The following RHBDD1 variants were observed in gnomAD, a reference collection of about 807,000 sequenced individuals.
RHBDD1 encodes rhomboid-related protein 4.
In RHBDD1, 38 loss-of-function variants were observed where a neutral mutation model predicts 36.3. The observed-to-expected ratio is 1.05, with a 90% CI of 0.81 to 1.37. RHBDD1 has a LOEUF of 1.37. Among genes scored for constraint, RHBDD1 ranks in the 40% most tolerant of loss-of-function variants. The pLI, the probability that RHBDD1 is intolerant of heterozygous loss-of-function variation, is 0.00. For synonymous variants in RHBDD1, 151 were observed against 136.5 expected, an observed-to-expected ratio of 1.11 and a Z score of -0.74; for missense variants, 393 against 377.6, an observed-to-expected ratio of 1.04 and a Z score of -0.34.
At chr2:226,950,914 T>C (rs1237783019) in intron 8 of RHBDD1, among the ~76,000 whole-genome samples, 1 of 152,182 alleles carries the variant, frequency 6.6e-6, no homozygotes, top group African/African-American at 2.4e-5. Flanking sequence ...ATTTTTCCCA[T>C]TCCATCAGTT....
At chr2:226,896,378 C>T (rs1396576974) in intron 5 of RHBDD1, among the ~76,000 whole-genome samples, 1 of 152,188 alleles carries the variant, frequency 6.6e-6, no homozygotes, top group Non-Finnish European at 1.5e-5. Flanking sequence ...TACACTGAGT[C>T]CATCAGCAAG....
chr2:226,849,918 T>C (rs1483110286), intron 3 of RHBDD1, among the ~76,000 whole-genome samples: 1 of 152,160 alleles, frequency 6.6e-6, no homozygotes, highest in Non-Finnish European at 1.5e-5. Context: ...TATTTATTTA[T>C]TTTTTACATC....
intron 3 of RHBDD1, among the ~76,000 whole-genome samples, chr2:226,863,828 G>A (rs73083698): frequency 1.3e-5 from 2 of 152,128 alleles, no homozygotes; most frequent in African/African-American, 4.8e-5. Flanking sequence ...TGGAGAAGCG[G>A]GCTAGTAAGC....
intron 8 of RHBDD1, among the ~76,000 whole-genome samples, chr2:226,993,643 G>C (rs1468304880): frequency 6.6e-6 from 1 of 152,164 alleles, no homozygotes; most frequent in African/African-American, 2.4e-5. Context: ...AGGGTACCAG[G>C]GGTTGGGGAG....
chr2:226,968,155 C>T (rs1163835518), intron 8 of RHBDD1, among the ~76,000 whole-genome samples: 2 of 152,094 alleles, frequency 1.3e-5, no homozygotes, highest in Non-Finnish European at 2.9e-5. Context: ...TACAGTACCA[C>T]CAATAAGCTG....
chr2:226,807,308 AT>A, the RHBDD1 span, among the ~76,000 whole-genome samples: 1 of 152,098 alleles, frequency 6.6e-6, no homozygotes, highest in African/African-American at 2.4e-5. Context: ...TCAGTTTTGG[AT>A]TGGGGTTAAA....
chr2:226,952,390 C>T (rs745896821), intron 8 of RHBDD1, among the ~76,000 whole-genome samples: 11 of 150,568 alleles, frequency 7.3e-5, no homozygotes, highest in Non-Finnish European at 1.0e-4. Context: ...TTCTGCCTCC[C>T]GGGTTCAAGT....
Position 226,839,607 on chromosome 2 carries a change from G to A in RHBDD1, c.-111G>A, listed in dbSNP as rs923528531. 3 of 152,082 alleles carry A rather than the reference G, an allele frequency of 2.0e-5. No individual in the cohort carries two copies. The highest frequency in any genetic ancestry group is 2.1e-4 in the South Asian group (1 of 4,828). 9.4% of individuals were successfully genotyped at this position (152,082 alleles called of 1,614,324 possible). A position where few individuals can be genotyped will look rare whatever the true frequency, so the allele number is the denominator to read the frequency against. On this transcript the variant is annotated 5_prime_UTR_variant, in exon 3 of 9. Transcript: ENST00000392062. ...TCAGGGCATGAGCTATACCTAAAAC[G>A]TAATGGTATTAAGAATTCTGGTAAG... is the stretch of plus-strand genomic sequence containing the variant.
At chr2:226,903,512 G>T (rs1947770856) in intron 5 of RHBDD1, among the ~76,000 whole-genome samples, 1 of 152,166 alleles carries the variant, frequency 6.6e-6, no homozygotes, top group Non-Finnish European at 1.5e-5. Context: ...CCAGTTGGGG[G>T]TCTGCAGATA....
At chr2:226,847,796 C>T (rs1942380005) in intron 3 of RHBDD1, among the ~76,000 whole-genome samples, 1 of 152,182 alleles carries the variant, frequency 6.6e-6, no homozygotes, top group African/African-American at 2.4e-5. Flanking sequence ...GGATAGTGAT[C>T]CTTTATACTA....
intron 8 of RHBDD1, among the ~76,000 whole-genome samples, chr2:226,924,334 T>A (rs1441290827): frequency 6.6e-6 from 1 of 152,162 alleles, no homozygotes; most frequent in South Asian, 2.1e-4. Flanking sequence ...AATAGGGGCC[T>A]CAGGACTCTG....
chr2:226,914,508 G>A, intron 8 of RHBDD1, 157 bp downstream of exon 8: 3 of 769,356 alleles, frequency 3.9e-6, no homozygotes, highest in South Asian at 2.1e-5. Context: ...AGAATGGGGT[G>A]TGATGCCATA....
At chr2:226,801,288 G>A in the RHBDD1 span, among the ~76,000 whole-genome samples, 1 of 152,200 alleles carries the variant, frequency 6.6e-6, no homozygotes, top group Non-Finnish European at 1.5e-5. Flanking sequence ...CTGATTGGTG[G>A]GATGGCCTGT....
intron 3 of RHBDD1, among the ~76,000 whole-genome samples, chr2:226,846,918 T>A (rs1481053590): frequency 6.6e-6 from 1 of 152,168 alleles, no homozygotes; most frequent in Non-Finnish European, 1.5e-5. Flanking sequence ...CCTTTGCTTG[T>A]GGAAGTAGTT....
intron 5 of RHBDD1, among the ~76,000 whole-genome samples, chr2:226,879,168 A>G (rs570228891): frequency 2.6e-5 from 4 of 151,996 alleles, no homozygotes; most frequent in Non-Finnish European, 4.4e-5. Flanking sequence ...CTATGTTTGT[A>G]TATGTGCTGG....
chr2:226,937,102 A>T (rs993209668), intron 8 of RHBDD1, among the ~76,000 whole-genome samples: 3 of 152,172 alleles, frequency 2.0e-5, no homozygotes, highest in Admixed American at 1.3e-4. Context: ...TTTGATGTGT[A>T]TATTCTGTAT....
At chr2:226,854,524 G>T (rs920399795) in intron 3 of RHBDD1, among the ~76,000 whole-genome samples, 1 of 151,444 alleles carries the variant, frequency 6.6e-6, no homozygotes, top group African/African-American at 2.4e-5. Context: ...AACCTGGGAG[G>T]CGGAGGTTGC....
In RHBDD1 at chr2:226,908,824, G is replaced by C. The variant is rs775380684; in HGVS notation, c.658G>C (p.Gly220Arg). ...ATGTTTATTTCTTTTACGTTTAGGCGGTTTTTCCTCCAGTGTTGGTTACCC... is the reference window on the plus strand; with the variant it reads ...ATGTTTATTTCTTTTACGTTTAGGCCGTTTTTCCTCCAGTGTTGGTTACCC... ...LKKIMEACAG[G>R]FSSSVGYPGR... The change falls in exon 7 of 9, where the codon GGT becomes CGT. Residue 220 changes from glycine to arginine, a missense_variant and splice_region_variant. Coordinates refer to ENST00000392062, the MANE Select transcript of RHBDD1 (RefSeq NM_001167608.3). 6.2e-6 allele frequency: 10 copies of C among 1,602,988 alleles called. No individual in the cohort carries two copies. Among genetic ancestry groups the C allele is most frequent in the Non-Finnish European group, 8.5e-6 (10 of 1,170,084 alleles).
rs561660526 is a variant in RHBDD1, at chr2:226,927,677, G to A, written c.856+13326G>A. Reference sequence around the variant, plus strand: ...TTTTATCTTAGCCATTCAAATAGGCGTGAGGTTGCAGTTTTCATTTATATT... The same window carrying A: ...TTTTATCTTAGCCATTCAAATAGGCATGAGGTTGCAGTTTTCATTTATATT... On this transcript the variant is annotated intron_variant, in intron 8 of 8. Transcript: ENST00000392062. 1.1e-3 allele frequency among the ~76,000 whole-genome samples: 168 copies of A among 152,160 alleles called. 1 individual carries two copies. The highest frequency in any genetic ancestry group is 2.4e-3 in the African/African-American group (98 of 41,534).
Sources: gnomAD v4.1 joint callset for allele counts (sites outside exome capture counted in the v4.1 genomes callset) on GRCh38, gnomAD v4.1.1 for gene constraint, MANE v1.5 for transcripts, NCBI Gene and HGNC (gene_info 2026-07-23, HGNC 2026-07-21) for gene names.